RGS6: variants seen among roughly 807,000 people sequenced by gnomAD.
RGS6 encodes the protein regulator of G protein signaling 6.
In RGS6, 30 loss-of-function variants were observed where a neutral mutation model predicts 78.5. The observed-to-expected ratio is 0.38, with a 90% CI of 0.29 to 0.52. The LOEUF is 0.52. RGS6 is among the 20% of genes least tolerant of loss of function. The probability of loss-of-function intolerance (pLI) is 0.85; values close to 1 mark genes in which losing one functional copy is unlikely to be tolerated. For missense variants in RGS6, 495 were observed against 609.7 expected, an observed-to-expected ratio of 0.81 and a Z score of 1.98; for synonymous variants, 206 against 206.0, an observed-to-expected ratio of 1.00 and a Z score of 0.00.
chr14:71,905,652 G>C, the RGS6 span, among the ~76,000 whole-genome samples: 1 of 152,086 alleles, frequency 6.6e-6, no homozygotes, highest in Non-Finnish European at 1.5e-5. Context: ...ACGCTGACCG[G>C]ATAATTTTTG....
At chr14:72,363,157 G>A (rs1195099971) in intron 3 of RGS6, among the ~76,000 whole-genome samples, 1 of 152,148 alleles carries the variant, frequency 6.6e-6, no homozygotes. Flanking sequence ...TTCCAAAGGT[G>A]GGGCTGCTTT....
intron 3 of RGS6, among the ~76,000 whole-genome samples, chr14:72,411,895 C>A (rs900624447): frequency 7.9e-5 from 12 of 152,284 alleles, no homozygotes; most frequent in Middle Eastern, 6.8e-3. Flanking sequence ...GTTGAACCAG[C>A]CTTGCCTCCC....
At chr14:72,094,795 G>T (rs2095363021) in intron 2 of RGS6, among the ~76,000 whole-genome samples, 1 of 152,148 alleles carries the variant, frequency 6.6e-6, no homozygotes, top group Admixed American at 6.5e-5. Context: ...AATAAATGGG[G>T]TTTTGTGGGT....
intron 12 of RGS6, among the ~76,000 whole-genome samples, chr14:72,486,490 C>A (rs1393601660): frequency 1.3e-5 from 2 of 152,010 alleles, no homozygotes; most frequent in African/African-American, 2.4e-5. Context: ...CCCATAGAGG[C>A]CCTCTATGCC....
chr14:72,223,083 G>A (rs183265963), intron 2 of RGS6, among the ~76,000 whole-genome samples: 58 of 152,284 alleles, frequency 3.8e-4, no homozygotes, highest in African/African-American at 1.3e-3. Flanking sequence ...TTAGAATTCT[G>A]CAAAGACTTT....
chr14:72,470,648 T>TGG (rs749555333), intron 8 of RGS6, among the ~76,000 whole-genome samples: 2 of 151,616 alleles, frequency 1.3e-5, no homozygotes, highest in Non-Finnish European at 1.5e-5. Context: ...GAGACCGAGG[T>TGG]GGGGGTGGAT....
chr14:71,884,389 G>A, the RGS6 span, among the ~76,000 whole-genome samples: 2 of 152,248 alleles, frequency 1.3e-5, no homozygotes, highest in Admixed American at 1.3e-4. Context: ...GAGCTTGTCA[G>A]TGGAGTGCTG....
chr14:72,253,546 T>C (rs1251596872), intron 2 of RGS6, among the ~76,000 whole-genome samples: 1 of 152,274 alleles, frequency 6.6e-6, no homozygotes, highest in African/African-American at 2.4e-5. Flanking sequence ...GGTATGGCTA[T>C]GTGCCAATAA....
At chr14:71,922,978 A>G in the RGS6 span, among the ~76,000 whole-genome samples, 4 of 152,200 alleles carry the variant, frequency 2.6e-5, no homozygotes, top group Non-Finnish European at 5.9e-5. Flanking sequence ...TGGGGTTCCT[A>G]TGTGAATAAG....
intron 2 of RGS6, among the ~76,000 whole-genome samples, chr14:72,057,313 GAAAAAAAAAAAAAA>G (rs71109718): frequency 7.1e-5 from 4 of 56,174 alleles, no homozygotes; most frequent in Admixed American, 4.6e-4. Context: ...GACTCTATCT[GAAAAAAAAAAAAAA>G]AAAAAAAAAA....
chr14:72,560,479 G>A (rs2097656906), intron 17 of RGS6, among the ~76,000 whole-genome samples: 1 of 152,188 alleles, frequency 6.6e-6, no homozygotes, highest in Non-Finnish European at 1.5e-5. Context: ...ACATTCCCGA[G>A]TGACAAATGC....
chr14:72,361,764 A>G (rs1328471346), intron 3 of RGS6, among the ~76,000 whole-genome samples: 1 of 152,166 alleles, frequency 6.6e-6, no homozygotes, highest in African/African-American at 2.4e-5. Flanking sequence ...GGATCAGCAG[A>G]TGACTTTCAC....
In RGS6 at chr14:72,315,094, G is replaced by A. The variant is rs1317113986; in HGVS notation, c.85-37001G>A. Among the ~76,000 whole-genome samples the A allele has an allele frequency of 3.9e-5, 6 of 152,146 alleles. No individual in the cohort carries two copies. In the East Asian group the frequency reaches 9.6e-4, roughly 24 times the overall value. ...TGAAGATCGTATTTGGATGCCTTTA[G>A]TAATTTATTAAACTCACTTTCCTAA... On this transcript the variant is annotated intron_variant, in intron 2 of 17. Transcript: ENST00000553525.
upstream of RGS6, among the ~76,000 whole-genome samples, chr14:71,932,119 G>A (rs913444540): frequency 2.0e-5 from 3 of 152,174 alleles, no homozygotes; most frequent in Admixed American, 6.5e-5. Flanking sequence ...AGCAGCCTCC[G>A]CCCGGTCGAG....
intron 12 of RGS6, among the ~76,000 whole-genome samples, chr14:72,484,348 A>G (rs558130992): frequency 6.6e-6 from 1 of 152,272 alleles, no homozygotes; most frequent in Admixed American, 6.5e-5. Context: ...GTAGTTTCCC[A>G]TAGCTGCAGG....
intron 2 of RGS6, among the ~76,000 whole-genome samples, chr14:72,045,655 C>T (rs887544939): frequency 2.0e-5 from 3 of 151,770 alleles, no homozygotes; most frequent in Non-Finnish European, 2.9e-5. Flanking sequence ...AGTGGGCTTG[C>T]ATTCATGGCC....
At chr14:72,540,442 C>A (rs1598892596) in intron 17 of RGS6, 1 of 1,484,498 alleles carries the variant, frequency 6.7e-7, no homozygotes, top group East Asian at 2.4e-5. Context: ...CAGGGAGAAG[C>A]CATCGAACTA....
At position 72,503,086 on chromosome 14, in the gene RGS6, C is replaced by T. The variant is rs112506850; in HGVS notation, c.966-7068C>T. Among the ~76,000 whole-genome samples, 879 of 152,190 alleles carry T rather than the reference C, an allele frequency of 5.8e-3. 8 individuals carry two copies. Among genetic ancestry groups the T allele is most frequent in the African/African-American group, 0.02 (840 of 41,522 alleles). ...GGTCGAGATGCCACAGATTGGGTGT[C>T]TGGTGAGGGCCTCCTTCCTGGTTCA... is the stretch of plus-strand genomic sequence containing the variant. On this transcript the variant is annotated intron_variant, in intron 13 of 17. Transcript: ENST00000553525.
Position 72,042,160 on chromosome 14 carries a change from T to C in RGS6, c.84+77285T>C, listed in dbSNP as rs191586383. Among the ~76,000 whole-genome samples, 1,028 of 150,258 alleles carry C rather than the reference T, an allele frequency of 6.8e-3. 6 individuals carry two copies. Among genetic ancestry groups the C allele is most frequent in the Non-Finnish European group, 0.012 (826 of 67,476 alleles). On this transcript the variant is annotated intron_variant, in intron 2 of 17. Coordinates refer to ENST00000553525, the MANE Select transcript of RGS6 (RefSeq NM_001204424.2). ...TTTTTTTTTTTGAGATAGAGTCTTA[T>C]TCTGTTGCCCAGGATAGAGGGCAGT...
Sources: allele counts gnomAD v4.1 joint callset (sites outside exome capture counted in the v4.1 genomes callset), GRCh38; gene constraint gnomAD v4.1.1; transcripts MANE v1.5; gene names NCBI Gene and HGNC (gene_info 2026-07-23, HGNC 2026-07-21).